Variants in SUN1 observed in about 807,000 individuals in gnomAD.
SUN1 encodes Sad1 and UNC84 domain containing 1.
A neutral mutation model predicts 103.2 loss-of-function variants in SUN1; 61 were observed. That is an observed-to-expected ratio of 0.59 (90% confidence interval 0.48 to 0.73). SUN1 has a LOEUF of 0.73. SUN1 is among the 30% of genes least tolerant of loss of function. The pLI, the probability that SUN1 is intolerant of heterozygous loss-of-function variation, is 0.00. For missense variants in SUN1, 1,052 were observed against 1,034.6 expected, an observed-to-expected ratio of 1.02 and a Z score of -0.23; for synonymous variants, 490 against 425.7, an observed-to-expected ratio of 1.15 and a Z score of -1.86.
intron 1 of SUN1, among the ~76,000 whole-genome samples, chr7:826,608 C>T (rs1007015487): frequency 6.6e-6 from 1 of 152,120 alleles, no homozygotes. Context: ...CAGAGTTTTG[C>T]AGGTTTGAGT....
At chr7:863,556 C>T (rs1208598148) in intron 15 of SUN1, among the ~76,000 whole-genome samples, 2 of 152,180 alleles carry the variant, frequency 1.3e-5, no homozygotes, top group African/African-American at 2.4e-5. Flanking sequence ...TGTACAGCTC[C>T]GTGGCTATTA....
At chr7:872,614 G>A (rs908214583) in intron 18 of SUN1, 52 bp downstream of exon 18, 76 of 1,431,708 alleles carry the variant, frequency 5.3e-5, no homozygotes, top group Non-Finnish European at 6.3e-5. Context: ...ACAACTTCTC[G>A]TGACAGCAGG....
At chr7:816,486 C>T (rs1583577380), upstream of SUN1, 2 of 238,822 alleles carry the variant, frequency 8.4e-6, no homozygotes, top group Admixed American at 6.0e-5. Context: ...CTCCTCGCCC[C>T]TCCGCCCGCG....
At position 854,986 on chromosome 7, in the gene SUN1, A is replaced by G. The variant is rs1401337528; in HGVS notation, c.1330A>G (p.Lys444Glu). ...GTCACACTTGGAAGATATTCTGGGA[A>G]AACTGAGAGAAAAATCTGAGGTATT... ...RMSHLEDILG[K>E]LREKSEAIQK... Residue 444 changes from lysine to glutamate, a missense_variant, in exon 11 of 19, where the codon AAA (lysine) becomes GAA (glutamate). Physicochemically the swap from Lys to Glu is moderately conservative, Grantham distance 56. Transcript: ENST00000401592. The G allele has an allele frequency of 1.9e-6, 3 of 1,613,286 alleles. No homozygotes were observed. Among genetic ancestry groups the G allele is most frequent in the African/African-American group, 2.7e-5 (2 of 74,930 alleles).
At chr7:841,660 T>G (rs572666586) in intron 2 of SUN1, among the ~76,000 whole-genome samples, 1 of 152,342 alleles carries the variant, frequency 6.6e-6, no homozygotes, top group African/African-American at 2.4e-5. Flanking sequence ...TTTTCAGATC[T>G]TTTTTATTTC....
intron 16 of SUN1, among the ~76,000 whole-genome samples, chr7:866,604 G>T (rs181445611): frequency 2.7e-5 from 3 of 112,448 alleles, no homozygotes; most frequent in Admixed American, 8.9e-5. Context: ...CCGGGCCTTC[G>T]CCCCCACTGT....
In SUN1 at chr7:832,547, T is replaced by G; in HGVS notation, c.23T>G (p.Met8Arg). ...AACATGGATTTTTCTCGGCTTCACA[T>G]GTACAGTCCTCCCCAGTGTGTGCCG... is the stretch of plus-strand genomic sequence containing the variant. MDFSRLHMYSPPQCVPEN... is the reference protein window; with the variant it reads MDFSRLHRYSPPQCVPEN... Residue 8 changes from methionine (M) to arginine (R), a missense_variant, in exon 1 of 19, where the codon ATG becomes AGG. Met to Arg is a moderately conservative substitution (Grantham distance 91, BLOSUM62 -1). This residue lies in a region of SUN1 where 846 missense variants were observed against 774.5 expected (regional missense o/e 1.09). Coordinates refer to ENST00000401592, the MANE Select transcript of SUN1 (RefSeq NM_001130965.3). The G allele has an allele frequency of 6.2e-7, 1 of 1,613,556 alleles. No homozygotes were observed. Among genetic ancestry groups the G allele is most frequent in the Non-Finnish European group, 8.5e-7 (1 of 1,179,704 alleles).
At chr7:872,888 A>G (rs1433872357) in intron 18 of SUN1, among the ~76,000 whole-genome samples, 3 of 152,122 alleles carry the variant, frequency 2.0e-5, no homozygotes, top group Admixed American at 6.5e-5. Context: ...GGAGTTCGAG[A>G]CCAGCCTGAC....
intron 17 of SUN1, among the ~76,000 whole-genome samples, chr7:871,758 A>C (rs1304846445): frequency 6.6e-6 from 1 of 152,244 alleles, no homozygotes; most frequent in Non-Finnish European, 1.5e-5. Flanking sequence ...AACTTCTTCC[A>C]TAGCATTTCT....
At chr7:823,264 G>A (rs1159489760) in intron 1 of SUN1, among the ~76,000 whole-genome samples, 1 of 152,244 alleles carries the variant, frequency 6.6e-6, no homozygotes, top group African/African-American at 2.4e-5. Context: ...GACTCATTGA[G>A]AAATAATCAT....
chr7:856,064 A>G (rs1002110170), intron 11 of SUN1, among the ~76,000 whole-genome samples: 1 of 151,976 alleles, frequency 6.6e-6, no homozygotes, highest in Admixed American at 6.5e-5. Context: ...TTTAGAACAC[A>G]CTCTGGAGGT....
chr7:817,495 G>C (rs1781873115), intron 1 of SUN1: 1 of 1,536,016 alleles, frequency 6.5e-7, no homozygotes, highest in Non-Finnish European at 8.7e-7. Flanking sequence ...GGCTCCCCAG[G>C]ACAGGTGGGC....
intron 5 of SUN1, chr7:849,604 G>GT: frequency 2.7e-6 from 4 of 1,475,024 alleles, no homozygotes; most frequent in Non-Finnish European, 3.7e-6. Context: ...GAAGCGCTGT[G>GT]TAAGTATGGC....
chr7:843,024 C>T, intron 3 of SUN1, 182 bp from the exon 4 acceptor site: 1 of 836,516 alleles, frequency 1.2e-6, no homozygotes, highest in Non-Finnish European at 1.9e-6. Flanking sequence ...AAGCTTTCAC[C>T]TTCAGTCAGA....
intron 16 of SUN1, 27 bp downstream of exon 16, chr7:866,094 G>T: frequency 1.3e-6 from 2 of 1,596,446 alleles, no homozygotes; most frequent in East Asian, 2.2e-5. Context: ...GGCCGGAGCT[G>T]CTCCTCTTCA....
intron 17 of SUN1, among the ~76,000 whole-genome samples, chr7:870,866 CATTTTCTTTTT>C (rs1841058432): frequency 1.3e-5 from 2 of 150,286 alleles, no homozygotes; most frequent in African/African-American, 4.9e-5. Context: ...GTGTTACTAG[CATTTTCTTTTT>C]ATTTTCTTTC....
intron 3 of SUN1, chr7:842,986 G>C: frequency 1.5e-6 from 1 of 665,796 alleles, no homozygotes; most frequent in East Asian, 2.7e-5. Context: ...TGTGTGTGCT[G>C]CCGTCTGTCT....
chr7:865,210 C>A (rs906147517), intron 15 of SUN1, among the ~76,000 whole-genome samples: 10 of 152,060 alleles, frequency 6.6e-5, no homozygotes, highest in African/African-American at 2.4e-4. Flanking sequence ...CCGGTTCAAG[C>A]GATTCTCCTG....
chr7:849,996 T>C (rs1044191393), intron 5 of SUN1: 1 of 1,600,870 alleles, frequency 6.2e-7, no homozygotes, highest in Non-Finnish European at 8.5e-7. Flanking sequence ...GGCTGCCCGG[T>C]CGGGCAGGGA....
Sources: gnomAD v4.1 joint callset for allele counts (sites outside exome capture counted in the v4.1 genomes callset) on GRCh38, gnomAD v4.1.1 for gene constraint, gnomAD v4.1.1 regional missense constraint, MANE v1.5 for transcripts, NCBI Gene and HGNC (gene_info 2026-07-23, HGNC 2026-07-21) for gene names.